The following CD36 variants were observed in gnomAD, a reference collection of about 807,000 sequenced individuals.
CD36 encodes platelet glycoprotein 4.
CD36 carries 119 observed loss-of-function variants against 55.2 expected under a neutral mutation model. That is an observed-to-expected ratio of 2.15 (90% CI 1.86 to 2.51). CD36 has a LOEUF of 2.51. CD36 is among the 30% of genes most tolerant of loss of function. The pLI, the probability that CD36 is intolerant of heterozygous loss-of-function variation, is 0.00. For synonymous variants in CD36, 186 were observed against 193.6 expected (o/e 0.96, Z 0.33); for missense variants, 819 against 555.5 (o/e 1.47, Z -4.77).
intron 4 of CD36, among the ~76,000 whole-genome samples, chr7:80,657,293 C>G (rs1424068754): frequency 2.0e-5 from 3 of 152,118 alleles, no homozygotes; most frequent in Non-Finnish European, 4.4e-5. Flanking sequence ...TTTTGAGAAC[C>G]ACCGTGCTAA....
intron 4 of CD36, among the ~76,000 whole-genome samples, chr7:80,657,708 C>A (rs1192593408): frequency 6.6e-6 from 1 of 152,076 alleles, no homozygotes; most frequent in African/African-American, 2.4e-5. Flanking sequence ...AAAAACACTA[C>A]CTTAACCAAG....
intron 3 of CD36, among the ~76,000 whole-genome samples, chr7:80,654,323 T>A (rs1405594954): frequency 6.6e-6 from 1 of 152,130 alleles, no homozygotes; most frequent in Non-Finnish European, 1.5e-5. Flanking sequence ...AATTGTGATT[T>A]TTGTCATTAA....
chr7:80,656,248 C>T (rs962132591), intron 3 of CD36, among the ~76,000 whole-genome samples: 12 of 152,120 alleles, frequency 7.9e-5, no homozygotes, highest in Admixed American at 2.6e-4. Flanking sequence ...ATTTTCAAAG[C>T]GTCACTCTAA....
At chr7:80,625,446 C>T (rs1793689798) in intron 1 of CD36, among the ~76,000 whole-genome samples, 1 of 151,970 alleles carries the variant, frequency 6.6e-6, no homozygotes, top group Non-Finnish European at 1.5e-5. Context: ...CATGGTTTGC[C>T]GCAGTGGGCA....
intron 6 of CD36, among the ~76,000 whole-genome samples, chr7:80,663,922 A>T (rs2116709638): frequency 6.6e-6 from 1 of 152,178 alleles, no homozygotes; most frequent in Middle Eastern, 3.4e-3. Flanking sequence ...GCCATAATGA[A>T]TCAAATTCAT....
At chr7:80,664,286 C>T (rs1221508459) in intron 6 of CD36, 120 bp from the exon 7 acceptor site, 2 of 682,440 alleles carry the variant, frequency 2.9e-6, no homozygotes, top group Middle Eastern at 4.2e-4. Context: ...AAATGTATTG[C>T]AGATGTATTT....
chr7:80,675,527 G>A (rs1479175950), intron 14 of CD36, among the ~76,000 whole-genome samples: 4 of 152,044 alleles, frequency 2.6e-5, no homozygotes, highest in Admixed American at 2.6e-4. Context: ...TTCAAGGCTT[G>A]CTGGAGCAAC....
chr7:80,667,772 A>G (rs1279600340), intron 8 of CD36, among the ~76,000 whole-genome samples: 2 of 46,394 alleles, frequency 4.3e-5, no homozygotes, highest in Non-Finnish European at 1.0e-4. Context: ...TTTTTTTGAG[A>G]CATAGTCTGG....
Position 80,678,242 on chromosome 7 carries a change from T to C in CD36, c.*1859T>C, listed in dbSNP as rs1204537417. 7 of 152,176 alleles carry C rather than the reference T, an allele frequency of 4.6e-5. No homozygotes were observed. The highest frequency in any genetic ancestry group is 8.8e-5 in the Non-Finnish European group (6 of 68,046). 9.4% of individuals were successfully genotyped at this position (152,176 alleles called of 1,614,324 possible). On this transcript the variant is annotated 3_prime_UTR_variant, in exon 15 of 15. Transcript: ENST00000447544. ...TTGGACACTTGCAATTGCTCATGGA[T>C]GAATTTATATGTTTTAGTCATAGAA...
chr7:80,620,339 C>T (rs867234940), intron 1 of CD36, among the ~76,000 whole-genome samples: 2 of 152,102 alleles, frequency 1.3e-5, no homozygotes, highest in East Asian at 3.9e-4. Flanking sequence ...CCAGGACTAC[C>T]GACAAGCTTC....
At chr7:80,641,992 A>G (rs1273412316) in intron 1 of CD36, among the ~76,000 whole-genome samples, 2 of 152,072 alleles carry the variant, frequency 1.3e-5, no homozygotes, top group African/African-American at 4.8e-5. Context: ...AGATGACCCA[A>G]CGGAATAGGG....
intron 1 of CD36, among the ~76,000 whole-genome samples, chr7:80,607,763 T>TG (rs1562766422): frequency 1.3e-5 from 2 of 151,882 alleles, no homozygotes; most frequent in Non-Finnish European, 2.9e-5. Flanking sequence ...CTAAACTCTT[T>TG]TTGTTGTTGT....
intron 7 of CD36, 120 bp downstream of exon 7, chr7:80,664,617 C>T (rs1281917201): frequency 1.4e-6 from 1 of 720,456 alleles, no homozygotes; most frequent in Admixed American, 1.9e-5. Context: ...GGTTATAATT[C>T]AGCTCTGGAA....
intron 3 of CD36, among the ~76,000 whole-genome samples, chr7:80,655,449 C>T (rs1171735752): frequency 2.0e-5 from 3 of 152,122 alleles, no homozygotes; most frequent in African/African-American, 7.2e-5. Flanking sequence ...GAATCGAGTT[C>T]CTAATGTAGG....
At chr7:80,655,514 C>T (rs1050434752) in intron 3 of CD36, among the ~76,000 whole-genome samples, 3 of 152,126 alleles carry the variant, frequency 2.0e-5, no homozygotes, top group Non-Finnish European at 2.9e-5. Flanking sequence ...ACCAAAGGAG[C>T]ATCAGTGATT....
At chr7:80,636,313 T>G (rs1301322373), upstream of CD36, among the ~76,000 whole-genome samples, 1 of 152,118 alleles carries the variant, frequency 6.6e-6, no homozygotes, top group Non-Finnish European at 1.5e-5. Context: ...GTTTTCTCTA[T>G]TCTTTGATTA....
intron 1 of CD36, among the ~76,000 whole-genome samples, chr7:80,604,511 C>T (rs1255308044): frequency 3.3e-5 from 5 of 151,074 alleles, no homozygotes; most frequent in Non-Finnish European, 5.9e-5. Flanking sequence ...CTTTTAGATA[C>T]GTGCTTGTTG....
chr7:80,648,146 T>A (rs1403733066), intron 3 of CD36, among the ~76,000 whole-genome samples: 1 of 152,064 alleles, frequency 6.6e-6, no homozygotes, highest in Non-Finnish European at 1.5e-5. Flanking sequence ...ATAGTATTTT[T>A]AATACAGGCC....
chr7:80,656,262 T>C (rs1233882670), intron 3 of CD36, among the ~76,000 whole-genome samples: 1 of 152,208 alleles, frequency 6.6e-6, no homozygotes, highest in Non-Finnish European at 1.5e-5. Context: ...ACTCTAAAGC[T>C]TGCCGAAGGG....
Sources: gnomAD v4.1 joint callset for allele counts (sites outside exome capture counted in the v4.1 genomes callset) on GRCh38, gnomAD v4.1.1 for gene constraint, MANE v1.5 for transcripts, NCBI Gene and HGNC (gene_info 2026-07-23, HGNC 2026-07-21) for gene names.